TRIM67: variants seen among roughly 807,000 people sequenced by gnomAD.
TRIM67 encodes the protein tripartite motif containing 67.
In TRIM67, 39 loss-of-function variants were observed where a neutral mutation model predicts 71.0. The ratio of observed to expected loss-of-function variants is 0.55; its 90% confidence interval spans 0.43 to 0.72. The LOEUF is 0.72. TRIM67 is among the 30% of genes least tolerant of loss of function. TRIM67 has a pLI of 0.00. For synonymous variants in TRIM67, 481 were observed against 473.9 expected, an observed-to-expected ratio of 1.01 and a Z score of -0.19; for missense variants, 973 against 1,079.2, an observed-to-expected ratio of 0.90 and a Z score of 1.38.
In TRIM67 at chr1:231,163,737, G is replaced by T; in HGVS notation, c.768G>T (p.Pro256=). The stretch of plus-strand genomic sequence containing the variant: ...ATCGCCTGGTGCAGCCGCCGCCGCC[G>T]CCGCCGCCGCCCGCCGAGGCAGCCT... ...AKHRLVQPPP[P]PPPPAEAASG... is the part of the protein sequence containing the mutation. The change falls in exon 1 of 10, where the codon CCG becomes CCT. Residue 256 remains proline (P), a synonymous_variant. Transcript: ENST00000366653. The T allele has an allele frequency of 2.7e-6, 4 of 1,492,452 alleles. No individual in the cohort carries two copies. Among genetic ancestry groups the T allele is most frequent in the Non-Finnish European group, 3.6e-6 (4 of 1,121,738 alleles). The allele number at this position is 1,492,452 out of a possible 1,614,324, so 92.5% of individuals were successfully genotyped here. A position where few individuals can be genotyped will look rare whatever the true frequency, so the allele number is the denominator to read the frequency against.
Position 231,218,997 on chromosome 1 carries a change from G to C in TRIM67, c.*3557G>C, listed in dbSNP as rs1360566227. 1.0e-6 allele frequency: 1 copy of C among 985,336 alleles called. No individual in the cohort carries two copies. Among genetic ancestry groups the C allele is most frequent in the East Asian group, 1.1e-4 (1 of 8,816 alleles). 61.0% of individuals were successfully genotyped at this position (985,336 alleles called of 1,614,324 possible). On this transcript the variant is annotated 3_prime_UTR_variant, in exon 10 of 10. Transcript: ENST00000366653. ...CCTTAATTCTCATTGCAAGCGAAAGGCTTGGTCCCCCTGGGAAGGCGGGTT... is the reference window on the plus strand; with the variant it reads ...CCTTAATTCTCATTGCAAGCGAAAGCCTTGGTCCCCCTGGGAAGGCGGGTT...
rs767991086 is a variant in TRIM67, at chr1:231,215,445, G to A, written c.*5G>A. On this transcript the variant is annotated 3_prime_UTR_variant, in exon 10 of 10. Transcript: ENST00000366653. ...CCAAAGCTGTCAGGCAATTAGCCCC[G>A]CTCCAGCTCGGCACTGTGCCTGTGA... 32 of 1,603,228 alleles carry A rather than the reference G, an allele frequency of 2.0e-5. No individual in the cohort carries two copies. Among genetic ancestry groups the A allele is most frequent in the East Asian group, 4.5e-5 (2 of 44,372 alleles).
intron 1 of TRIM67, among the ~76,000 whole-genome samples, chr1:231,169,368 C>CTCT (rs1558289683): frequency 2.4e-5 from 2 of 81,664 alleles, no homozygotes; most frequent in South Asian, 5.4e-4. Flanking sequence ...ATTCTTTTCT[C>CTCT]TTTTTTTTTT....
At position 231,163,301 on chromosome 1, in the gene TRIM67, G is replaced by A; in HGVS notation, c.332G>A (p.Gly111Asp). The A allele has an allele frequency of 6.6e-7, 1 of 1,519,000 alleles. No individual in the cohort carries two copies. Among genetic ancestry groups the A allele is most frequent in the Non-Finnish European group, 8.8e-7 (1 of 1,132,548 alleles). The allele number at this position is 1,519,000 out of a possible 1,614,324, so 94.1% of individuals were successfully genotyped here. A position where few individuals can be genotyped will look rare whatever the true frequency, so the allele number is the denominator to read the frequency against. ...AGCTTGTACAGCGAGACAGACAGCG[G>A]CTACGGGTCCTACACCCCGAGCCTC... ...KLSLYSETDSGYGSYTPSLKS... is the reference protein window; with the variant it reads ...KLSLYSETDSDYGSYTPSLKS... Residue 111 changes from glycine to aspartate, a missense_variant, in exon 1 of 10, where the codon GGC becomes GAC. Coordinates refer to ENST00000366653, the MANE Select transcript of TRIM67 (RefSeq NM_001004342.5).
intron 5 of TRIM67, among the ~76,000 whole-genome samples, chr1:231,202,238 G>A (rs1444938825): frequency 6.6e-6 from 1 of 151,472 alleles, no homozygotes; most frequent in Non-Finnish European, 1.5e-5. Flanking sequence ...TAGGAGAGGA[G>A]GGGGGGTAGT....
In TRIM67 at chr1:231,203,869, C is replaced by T; in HGVS notation, c.1537C>T (p.Pro513Ser). ...LDFIQMKCRV[P>S]PVPLLQLEKC... Reference sequence around the variant, plus strand: ...ACTCATGTGTGTCCCCCTCGCAGTGCCACCCGTCCCCCTACTGCAGCTGGA... The same window carrying T: ...ACTCATGTGTGTCCCCCTCGCAGTGTCACCCGTCCCCCTACTGCAGCTGGA... Residue 513 changes from proline (P) to serine (S), a missense_variant and splice_region_variant, in exon 6 of 10, where the codon CCA becomes TCA. Coordinates refer to ENST00000366653, the MANE Select transcript of TRIM67 (RefSeq NM_001004342.5). 1.2e-6 allele frequency: 2 copies of T among 1,612,954 alleles called. No homozygotes were observed. Among genetic ancestry groups the T allele is most frequent in the Non-Finnish European group, 8.5e-7 (1 of 1,179,602 alleles).
At position 231,218,666 on chromosome 1, in the gene TRIM67, G is replaced by A. The variant is rs991441507; in HGVS notation, c.*3226G>A. The A allele has an allele frequency of 1.0e-6, 1 of 985,418 alleles. No homozygotes were observed. The highest frequency in any genetic ancestry group is 1.2e-6 in the Non-Finnish European group (1 of 829,948). 61.0% of individuals were successfully genotyped at this position (985,418 alleles called of 1,614,324 possible). On this transcript the variant is annotated 3_prime_UTR_variant, in exon 10 of 10. Coordinates refer to ENST00000366653, the MANE Select transcript of TRIM67 (RefSeq NM_001004342.5). ...AGTAATACTGACCCACAAGGTAACT[G>A]ACCTAAACACTATAAAACTGTATAT... is the stretch of plus-strand genomic sequence containing the variant.
In TRIM67 at chr1:231,218,598, T is replaced by C. The variant is rs865869612; in HGVS notation, c.*3158T>C. On this transcript the variant is annotated 3_prime_UTR_variant, in exon 10 of 10. Coordinates refer to ENST00000366653, the MANE Select transcript of TRIM67 (RefSeq NM_001004342.5). ...CCCCAAAGCCTGCTTTTCCTCTCTCTGTTCTCCTTGGGAAAATAATGATTC... is the reference window on the plus strand; with the variant it reads ...CCCCAAAGCCTGCTTTTCCTCTCTCCGTTCTCCTTGGGAAAATAATGATTC... 5 of 985,498 alleles carry C rather than the reference T, an allele frequency of 5.1e-6. No homozygotes were observed. The Middle Eastern group carries it at 1.6e-3, about 309-fold the overall frequency. 61.0% of individuals were successfully genotyped at this position (985,498 alleles called of 1,614,324 possible).
chr1:231,165,444 GATAA>G (rs1355527681), intron 1 of TRIM67, among the ~76,000 whole-genome samples: 1 of 152,202 alleles, frequency 6.6e-6, no homozygotes, highest in Non-Finnish European at 1.5e-5. Context: ...AAATATAATT[GATAA>G]ATAACATTAA....
intron 1 of TRIM67, among the ~76,000 whole-genome samples, chr1:231,169,578 C>T (rs189014845): frequency 6.6e-6 from 1 of 152,006 alleles, no homozygotes; most frequent in Admixed American, 6.5e-5. Context: ...AGGGTTTCTC[C>T]ATGTTGGTCA....
Position 231,217,842 on chromosome 1 carries a change from C to T in TRIM67, c.*2402C>T, listed in dbSNP as rs767658244. On this transcript the variant is annotated 3_prime_UTR_variant, in exon 10 of 10. Coordinates refer to ENST00000366653, the MANE Select transcript of TRIM67 (RefSeq NM_001004342.5). ...CAGGTCAGGAGAGAAGTGGAAAGTG[C>T]AGGAGGGTAATGCCCTCAAATCCGG... The T allele has an allele frequency of 4.2e-5, 54 of 1,289,518 alleles. No homozygotes were observed. Among genetic ancestry groups the T allele is most frequent in the Admixed American group, 6.9e-5 (3 of 43,536 alleles). The allele number at this position is 1,289,518 out of a possible 1,614,324, so 79.9% of individuals were successfully genotyped here.
intron 1 of TRIM67, among the ~76,000 whole-genome samples, chr1:231,179,314 G>A (rs994511235): frequency 6.6e-6 from 1 of 152,188 alleles, no homozygotes; most frequent in Non-Finnish European, 1.5e-5. Flanking sequence ...TTCTTTGTAA[G>A]GACACCAGTC....
At position 231,209,382 on chromosome 1, in the gene TRIM67, C is replaced by G. The variant is rs138840359; in HGVS notation, c.2123+132C>G. On this transcript the variant is annotated intron_variant, in intron 8 of 9. Transcript: ENST00000366653. This position sits in a 1 kb window ranked among gnomAD's most constrained non-coding sequence, Gnocchi z 4.1. ...AGGAGGTATTTTCAGCCACTTTGGT[C>G]TCCATTTTCTAGGAGGCCTTCACTC... 1 of 1,061,928 alleles carries G rather than the reference C, an allele frequency of 9.4e-7. No individual in the cohort carries two copies. The highest frequency in any genetic ancestry group is 1.3e-6 in the Non-Finnish European group (1 of 762,176). 65.8% of individuals were successfully genotyped at this position (1,061,928 alleles called of 1,614,324 possible). A position where few individuals can be genotyped will look rare whatever the true frequency, so the allele number is the denominator to read the frequency against.
In TRIM67 at chr1:231,214,736, A is replaced by G. The variant is rs185454326; in HGVS notation, c.2287-639A>G. On this transcript the variant is annotated intron_variant, in intron 9 of 9. Coordinates refer to ENST00000366653, the MANE Select transcript of TRIM67 (RefSeq NM_001004342.5). The stretch of plus-strand genomic sequence containing the variant: ...GGAGCTTCCAGTGAGCCGAGATCGC[A>G]CCACTGCACTCCAGCCTGGGTGATA... 3.8e-3 allele frequency among the ~76,000 whole-genome samples: 547 copies of G among 143,072 alleles called. 5 individuals carry two copies. The highest frequency in any genetic ancestry group is 0.014 in the African/African-American group (537 of 38,322). The allele number at this position is 143,072 out of a possible 152,430, so 93.9% of individuals were successfully genotyped here. A position where few individuals can be genotyped will look rare whatever the true frequency, so the allele number is the denominator to read the frequency against.
At chr1:231,168,484 G>A (rs1377873015) in intron 1 of TRIM67, among the ~76,000 whole-genome samples, 17 of 152,140 alleles carry the variant, frequency 1.1e-4, no homozygotes, top group Admixed American at 1.1e-3. Flanking sequence ...CTGATTTTAA[G>A]ATAATTACTG....
chr1:231,198,509 C>G (rs1325323632), intron 2 of TRIM67, among the ~76,000 whole-genome samples: 2 of 152,174 alleles, frequency 1.3e-5, no homozygotes, highest in Non-Finnish European at 2.9e-5. Flanking sequence ...GCCTCAGCCC[C>G]CTGAGTAGCT....
In TRIM67 at chr1:231,177,694, A is replaced by G. The variant is rs115955311; in HGVS notation, c.1044+13681A>G. Among the ~76,000 whole-genome samples the G allele has an allele frequency of 9.1e-3, 1,390 of 152,300 alleles. 21 individuals are homozygous for G. The highest frequency in any genetic ancestry group is 0.031 in the African/African-American group (1,302 of 41,568). On this transcript the variant is annotated intron_variant, in intron 1 of 9. Coordinates refer to ENST00000366653, the MANE Select transcript of TRIM67 (RefSeq NM_001004342.5). ...AATCCCATCTTGATTAGACTTTTACACCCATCAATGTGTCTTGCAGCTAAC... is the reference window on the plus strand; with the variant it reads ...AATCCCATCTTGATTAGACTTTTACGCCCATCAATGTGTCTTGCAGCTAAC...
At chr1:231,204,093 G>C in intron 6 of TRIM67, 81 bp downstream of exon 6, 1 of 1,576,318 alleles carries the variant, frequency 6.3e-7, no homozygotes, top group Non-Finnish European at 8.6e-7. Context: ...CCAGACTCTG[G>C]TTCAGCCCAT....
chr1:231,192,738 G>A lies in TRIM67; in HGVS notation c.1045-4633G>A, dbSNP rs1011147147. On this transcript the variant is annotated intron_variant, in intron 1 of 9. Coordinates refer to ENST00000366653, the MANE Select transcript of TRIM67 (RefSeq NM_001004342.5). The stretch of plus-strand genomic sequence containing the variant: ...GCAGACCAGGGCACAGGGCCCTCAC[G>A]TGGCTGAGCACATGGCAGGCCCCAA... Among the ~76,000 whole-genome samples the A allele has an allele frequency of 3.9e-5, 6 of 152,348 alleles. No individual in the cohort carries two copies. In the East Asian group the frequency reaches 5.8e-4, roughly 15 times the overall value.
Sources: gnomAD v4.1 joint callset for allele counts (sites outside exome capture counted in the v4.1 genomes callset) on GRCh38, gnomAD v4.1.1 for gene constraint, Gnocchi (gnomAD v3.1) non-coding constraint, MANE v1.5 for transcripts, NCBI Gene and HGNC (gene_info 2026-07-23, HGNC 2026-07-21) for gene names.